The following HS3ST5 variants were observed in gnomAD, a reference collection of about 807,000 sequenced individuals.
HS3ST5 encodes the protein heparan sulfate glucosamine 3-O-sulfotransferase 5.
HS3ST5 carries 10 observed loss-of-function variants against 25.4 expected under a neutral mutation model. That is an observed-to-expected ratio of 0.39 (90% CI 0.24 to 0.67). HS3ST5 has a LOEUF of 0.67. Ranked by LOEUF, HS3ST5 falls within the 30% of genes least tolerant of loss-of-function variation. The pLI, the probability that HS3ST5 is intolerant of heterozygous loss-of-function variation, is 0.44. For synonymous variants in HS3ST5, 170 were observed against 162.4 expected (o/e 1.05, Z -0.36); for missense variants, 324 against 420.7 (o/e 0.77, Z 2.01).
At position 114,248,217 on chromosome 6, in the gene HS3ST5, A is replaced by AAT. The variant is rs34339841; in HGVS notation, c.-338-19441_-338-19440dup. Among the ~76,000 whole-genome samples the AAT allele has an allele frequency of 2.9e-3, 411 of 143,116 alleles. 2 individuals carry two copies. Among genetic ancestry groups the AAT allele is most frequent in the African/African-American group, 3.9e-3 (153 of 39,250 alleles). The allele number at this position is 143,116 out of a possible 152,430, so 93.9% of individuals were successfully genotyped here. A position where few individuals can be genotyped will look rare whatever the true frequency, so the allele number is the denominator to read the frequency against. ...TTCCATCTCAAAAAATGAAAAAAAA[A>AAT]ATATATATATATATATATATAAAAT... On this transcript the variant is annotated intron_variant, in intron 1 of 4. Coordinates refer to ENST00000312719, the MANE Select transcript of HS3ST5 (RefSeq NM_153612.4).
intron 2 of HS3ST5, among the ~76,000 whole-genome samples, chr6:114,179,543 A>G (rs1779867398): frequency 6.6e-6 from 1 of 152,066 alleles, no homozygotes. Context: ...AAATTTACTT[A>G]CTATGCTAAA....
At position 114,106,972 on chromosome 6, in the gene HS3ST5, A is replaced by T. The variant is rs548734373; in HGVS notation, c.-32-44095T>A. Among the ~76,000 whole-genome samples the T allele has an allele frequency of 3.2e-4, 49 of 152,240 alleles. 1 individual carries two copies. Among genetic ancestry groups the T allele is most frequent in the African/African-American group, 9.9e-4 (41 of 41,580 alleles). On this transcript the variant is annotated intron_variant, in intron 3 of 4. Coordinates refer to ENST00000312719, the MANE Select transcript of HS3ST5 (RefSeq NM_153612.4). Reference sequence around the variant, plus strand: ...ATATTTAAAAAAATTCATTAAGCCCATCTCAGAAACTGAACAAAAAGACTT... The same window carrying T: ...ATATTTAAAAAAATTCATTAAGCCCTTCTCAGAAACTGAACAAAAAGACTT...
At chr6:114,091,286 A>C (rs1192214716) in intron 3 of HS3ST5, among the ~76,000 whole-genome samples, 3 of 152,164 alleles carry the variant, frequency 2.0e-5, no homozygotes, top group Non-Finnish European at 2.9e-5. Context: ...TGTTGAGCAA[A>C]CAGTTTGATT....
rs138773924 is a variant in HS3ST5 at position 114,336,714 on chromosome 6, A to G, written c.-339+5481T>C. Among the ~76,000 whole-genome samples, 6 of 152,340 alleles carry G rather than the reference A, an allele frequency of 3.9e-5. No individual in the cohort carries two copies. In the East Asian group the frequency reaches 9.6e-4, roughly 24 times the overall value. The stretch of plus-strand genomic sequence containing the variant: ...AATAAGCAGTAAAGCAGGGATTTTA[A>G]TTCAGCCAACTCTGTCTGACTATAG... On this transcript the variant is annotated intron_variant, in intron 1 of 4. Transcript: ENST00000312719.
chr6:114,131,970 A>T (rs1350355168), intron 3 of HS3ST5: 2 of 151,882 alleles, frequency 1.3e-5, no homozygotes, highest in Admixed American at 1.3e-4. Flanking sequence ...CTTCAATTTA[A>T]TTTTTCAATA....
chr6:114,172,736 C>A (rs1779531188), intron 2 of HS3ST5, among the ~76,000 whole-genome samples: 1 of 152,192 alleles, frequency 6.6e-6, no homozygotes, highest in Non-Finnish European at 1.5e-5. Flanking sequence ...CAGTTAACTG[C>A]AGCAAGTGTT....
At chr6:114,087,579 A>C (rs984198458) in intron 3 of HS3ST5, among the ~76,000 whole-genome samples, 5 of 152,330 alleles carry the variant, frequency 3.3e-5, no homozygotes, top group African/African-American at 1.2e-4. Flanking sequence ...GAGTGAACCT[A>C]ATGTGGCTCA....
intron 3 of HS3ST5, among the ~76,000 whole-genome samples, chr6:114,097,285 A>T (rs1459544358): frequency 6.6e-6 from 1 of 151,992 alleles, no homozygotes; most frequent in African/African-American, 2.4e-5. Context: ...AAAGGAATTC[A>T]TTAAAAGGCT....
intron 2 of HS3ST5, among the ~76,000 whole-genome samples, chr6:114,198,419 T>C (rs534861389): frequency 6.6e-6 from 1 of 152,170 alleles, no homozygotes; most frequent in African/African-American, 2.4e-5. Flanking sequence ...AACATAGAAA[T>C]ACAAGAAACA....
At chr6:114,325,914 C>T (rs914197034) in intron 1 of HS3ST5, among the ~76,000 whole-genome samples, 2 of 152,290 alleles carry the variant, frequency 1.3e-5, no homozygotes, top group African/African-American at 4.8e-5. Flanking sequence ...TTACTCTGTG[C>T]CAGGCAATAT....
At chr6:114,143,521 T>C (rs1205782762) in intron 3 of HS3ST5, 1 of 152,134 alleles carries the variant, frequency 6.6e-6, no homozygotes, top group African/African-American at 2.4e-5. Flanking sequence ...GTGAAAGTTG[T>C]AAGATTCAAA....
intron 3 of HS3ST5, among the ~76,000 whole-genome samples, chr6:114,148,000 A>G (rs900703875): frequency 4.6e-5 from 7 of 152,286 alleles, no homozygotes; most frequent in African/African-American, 1.7e-4. Flanking sequence ...ATATAAGAAA[A>G]TCATTACTTC....
chr6:114,061,094 A>C (rs1773090116), intron 4 of HS3ST5, among the ~76,000 whole-genome samples: 1 of 152,200 alleles, frequency 6.6e-6, no homozygotes, highest in African/African-American at 2.4e-5. Flanking sequence ...TTCAATTCCA[A>C]ATAAAAGCTA....
At chr6:114,226,488 T>A (rs969979209) in intron 2 of HS3ST5, among the ~76,000 whole-genome samples, 2 of 151,966 alleles carry the variant, frequency 1.3e-5, no homozygotes, top group Non-Finnish European at 2.9e-5. Flanking sequence ...TAACTTCCCC[T>A]TGTTGATGTC....
chr6:114,058,265 G>A (rs1772893213), intron 4 of HS3ST5, 75 bp from the exon 5 acceptor site: 9 of 1,076,560 alleles, frequency 8.4e-6, no homozygotes, highest in Non-Finnish European at 1.2e-5. Context: ...GTCAGACCAA[G>A]ACTTTAAATG....
rs149889872 is a variant in HS3ST5 at position 114,082,413 on chromosome 6, G to T, written c.-32-19536C>A. 1.8e-3 allele frequency among the ~76,000 whole-genome samples: 280 copies of T among 152,264 alleles called. 1 individual carries two copies. The highest frequency in any genetic ancestry group is 5.9e-3 in the African/African-American group (247 of 41,558). Reference sequence around the variant, plus strand: ...TTTAAGTCATTTAGTGTTCAGTAAAGACCTCTTAGGTTAGTAATTGCCTCC... The same window carrying T: ...TTTAAGTCATTTAGTGTTCAGTAAATACCTCTTAGGTTAGTAATTGCCTCC... On this transcript the variant is annotated intron_variant, in intron 3 of 4. Coordinates refer to ENST00000312719, the MANE Select transcript of HS3ST5 (RefSeq NM_153612.4).
chr6:114,297,364 G>A (rs548575558), intron 1 of HS3ST5, among the ~76,000 whole-genome samples: 4 of 152,196 alleles, frequency 2.6e-5, no homozygotes, highest in South Asian at 4.2e-4. Flanking sequence ...TTTCGGATAC[G>A]CAGGGAACAC....
chr6:114,089,039 C>T (rs942853389), intron 3 of HS3ST5: 4 of 152,262 alleles, frequency 2.6e-5, no homozygotes, highest in Admixed American at 2.6e-4. Flanking sequence ...GGACCTGATA[C>T]TTAAGAGGTC....
At chr6:114,249,515 C>G (rs755733209) in intron 1 of HS3ST5, among the ~76,000 whole-genome samples, 6 of 152,328 alleles carry the variant, frequency 3.9e-5, no homozygotes, top group Admixed American at 1.3e-4. Context: ...GATGCCCCTC[C>G]TCTTTAGAAC....
Sources: allele counts gnomAD v4.1 joint callset (sites outside exome capture counted in the v4.1 genomes callset), GRCh38; gene constraint gnomAD v4.1.1; transcripts MANE v1.5; gene names NCBI Gene and HGNC (gene_info 2026-07-23, HGNC 2026-07-21).